The following CLK3 variants were observed in gnomAD, a reference collection of about 807,000 sequenced individuals.
CLK3 encodes CDC like kinase 3.
A neutral mutation model predicts 65.2 loss-of-function variants in CLK3; 24 were observed. That is an observed-to-expected ratio of 0.37 (90% CI 0.27 to 0.52). CLK3 has a LOEUF of 0.52. Among genes scored for constraint, CLK3 ranks in the 20% least tolerant of loss-of-function variants. The pLI is 0.92. For missense variants in CLK3, 506 were observed against 660.0 expected, an observed-to-expected ratio of 0.77 and a Z score of 2.56; for synonymous variants, 252 against 240.8, an observed-to-expected ratio of 1.05 and a Z score of -0.43.
At position 74,622,695 on chromosome 15, in the gene CLK3, G is replaced by C; in HGVS notation, c.533+135G>C. 1 of 601,192 alleles carries C rather than the reference G, an allele frequency of 1.7e-6. No homozygotes were observed. Among genetic ancestry groups the C allele is most frequent in the Non-Finnish European group, 2.8e-6 (1 of 355,492 alleles). The allele number at this position is 601,192 out of a possible 1,614,324, so 37.2% of individuals were successfully genotyped here. On this transcript the variant is annotated intron_variant, in intron 5 of 12. Transcript: ENST00000395066. The surrounding 1 kb of genome is among the most constrained non-coding windows in gnomAD (Gnocchi z 4.6). ...AAGGGTGGCATCAAAGTAGGGTTCCGACCTGTCCATGTTGGGGTTTTGCTG... is the reference window on the plus strand; with the variant it reads ...AAGGGTGGCATCAAAGTAGGGTTCCCACCTGTCCATGTTGGGGTTTTGCTG...
intron 1 of CLK3, among the ~76,000 whole-genome samples, chr15:74,617,876 A>G (rs989396140): frequency 6.6e-6 from 1 of 152,246 alleles, no homozygotes; most frequent in Non-Finnish European, 1.5e-5. Context: ...GCTGATTACC[A>G]AAACAACAAA....
chr15:74,622,881 T>G lies in CLK3; in HGVS notation c.533+321T>G, dbSNP rs2062114618. On this transcript the variant is annotated intron_variant, in intron 5 of 12. Coordinates refer to ENST00000395066, the MANE Select transcript of CLK3 (RefSeq NM_001130028.2). The surrounding 1 kb of genome is among the most constrained non-coding windows in gnomAD (Gnocchi z 4.6). The stretch of plus-strand genomic sequence containing the variant: ...GCCAAGGCCCCGGCTCCCCTGTGGC[T>G]TGGAGCTGCTTCCTGTGATAACTTT... Among the ~76,000 whole-genome samples the G allele has an allele frequency of 2.0e-5, 3 of 152,202 alleles. No homozygotes were observed. Among genetic ancestry groups the G allele is most frequent in the African/African-American group, 7.2e-5 (3 of 41,438 alleles).
In CLK3 at chr15:74,627,622, C is replaced by T. The variant is rs770827228; in HGVS notation, c.996C>T (p.Thr332=). Residue 332 remains threonine (T), a synonymous_variant, in exon 9 of 13, where the codon ACC becomes ACT. Coordinates refer to ENST00000395066, the MANE Select transcript of CLK3 (RefSeq NM_001130028.2). The surrounding 1 kb of genome is among the most constrained non-coding windows in gnomAD (Gnocchi z 4.3). ...CCACATTTGACCATGAGCACCACAC[C>T]ACCATTGTGGCCACCCGTCACTATC... is the stretch of plus-strand genomic sequence containing the variant. ...GSATFDHEHH[T]TIVATRHYRP... is the part of the protein sequence containing the mutation. The T allele has an allele frequency of 5.0e-6, 8 of 1,613,974 alleles. No individual in the cohort carries two copies. The highest frequency in any genetic ancestry group is 6.8e-6 in the Non-Finnish European group (8 of 1,180,034).
At chr15:74,618,041 C>T (rs185433111) in intron 1 of CLK3, among the ~76,000 whole-genome samples, 1 of 152,336 alleles carries the variant, frequency 6.6e-6, no homozygotes, top group Admixed American at 6.5e-5. Context: ...CTGTCCTGCT[C>T]AAGCATGGGG....
Position 74,622,028 on chromosome 15 carries a change from C to A in CLK3, c.370-92C>A. ...CAACCCACCGGCTCCTCACCGTCTC[C>A]ACCTCTGCCTTTGACTGACACCTCA... On this transcript the variant is annotated intron_variant, in intron 3 of 12. Transcript: ENST00000395066. The surrounding 1 kb of genome is among the most constrained non-coding windows in gnomAD (Gnocchi z 4.6). 8.3e-7 allele frequency: 1 copy of A among 1,208,850 alleles called. No individual in the cohort carries two copies. The highest frequency in any genetic ancestry group is 1.2e-6 in the Non-Finnish European group (1 of 818,502). 74.9% of individuals were successfully genotyped at this position (1,208,850 alleles called of 1,614,324 possible).
At chr15:74,628,150 G>C (rs1214215607) in intron 10 of CLK3, 98 bp downstream of exon 10, 4 of 800,442 alleles carry the variant, frequency 5.0e-6, no homozygotes, top group African/African-American at 1.7e-5. Flanking sequence ...GAGAAGACAG[G>C]TGTCTTCCTC....
At chr15:74,615,176 G>C (rs538022106), upstream of CLK3, 54 of 374,724 alleles carry the variant, frequency 1.4e-4, no homozygotes, top group Admixed American at 9.6e-4. Flanking sequence ...AGGCCACGCA[G>C]GCCGGCAGGA....
chr15:74,617,334 C>G (rs1265528690), intron 1 of CLK3, among the ~76,000 whole-genome samples: 1 of 152,230 alleles, frequency 6.6e-6, no homozygotes, highest in African/African-American at 2.4e-5. Flanking sequence ...GCATTTAACA[C>G]AGCCCTGAAG....
Position 74,619,370 on chromosome 15 carries a change from G to C in CLK3, c.152+22G>C, listed in dbSNP as rs200845851. ...GAAGGTGAGAGGGAACTAGATAGGA[G>C]GGAAAGACTCCTTCTGTCAGCTGGG... On this transcript the variant is annotated intron_variant, in intron 2 of 12. Coordinates refer to ENST00000395066, the MANE Select transcript of CLK3 (RefSeq NM_001130028.2). 4.3e-4 allele frequency: 691 copies of C among 1,612,994 alleles called. 3 individuals are homozygous for C. In the African/African-American group the frequency reaches 6.4e-3, roughly 15 times the overall value.
Position 74,621,701 on chromosome 15 carries a change from G to A in CLK3, c.370-419G>A, listed in dbSNP as rs1037223839. 3.0e-6 allele frequency: 1 copy of A among 338,484 alleles called. No individual in the cohort carries two copies. Among genetic ancestry groups the A allele is most frequent in the Non-Finnish European group, 5.9e-6 (1 of 170,656 alleles). The allele number at this position is 338,484 out of a possible 1,614,324, so 21.0% of individuals were successfully genotyped here. ...CGCCGCCGTTCTCACTGCATCTTCC[G>A]CTCTGGCCCAAAGCCACATGGGAGG... On this transcript the variant is annotated intron_variant, in intron 3 of 12. Transcript: ENST00000395066. The surrounding 1 kb of genome is among the most constrained non-coding windows in gnomAD (Gnocchi z 4.8).
chr15:74,620,385 G>T, intron 3 of CLK3, 160 bp downstream of exon 3: 1 of 995,120 alleles, frequency 1.0e-6, no homozygotes, highest in Non-Finnish European at 1.5e-6. Context: ...CAGGTGTAGG[G>T]CTGATCACAG....
chr15:74,616,192 C>T (rs1438961671), intron 1 of CLK3, among the ~76,000 whole-genome samples: 1 of 152,226 alleles, frequency 6.6e-6, no homozygotes, highest in East Asian at 1.9e-4. Flanking sequence ...GGGTCGGGGT[C>T]CGACGTAGAA....
At chr15:74,615,022 G>A (rs1389568885), upstream of CLK3, 2 of 176,210 alleles carry the variant, frequency 1.1e-5, no homozygotes, top group East Asian at 1.5e-4. Flanking sequence ...GTGGGGCCTC[G>A]TAATCCTGTC....
In CLK3 at chr15:74,626,426, A is replaced by G. The variant is rs184515666; in HGVS notation, c.817+458A>G. Reference sequence around the variant, plus strand: ...AGGGCTCAGCGCAGTAGGATTTGCAATGGTTGCAGCAGTACAGAAAGGCTC... The same window carrying G: ...AGGGCTCAGCGCAGTAGGATTTGCAGTGGTTGCAGCAGTACAGAAAGGCTC... On this transcript the variant is annotated intron_variant, in intron 7 of 12. Coordinates refer to ENST00000395066, the MANE Select transcript of CLK3 (RefSeq NM_001130028.2). Among the ~76,000 whole-genome samples the G allele has an allele frequency of 2.6e-5, 4 of 152,334 alleles. No individual in the cohort carries two copies. In the East Asian group the frequency reaches 7.7e-4, roughly 29 times the overall value.
chr15:74,618,338 G>A (rs1358900691), intron 1 of CLK3, among the ~76,000 whole-genome samples: 2 of 152,188 alleles, frequency 1.3e-5, no homozygotes, highest in African/African-American at 4.8e-5. Context: ...ACTGAACAGG[G>A]ATAGTGAGGT....
rs1247897317 is a variant in CLK3 at position 74,629,634 on chromosome 15, C to T, written c.1297-73C>T. Reference sequence around the variant, plus strand: ...CTCGATCCAGTCCAGCAAGGCGTCCCAGAGGCAAGGGGACCTGCTGTGGCT... The same window carrying T: ...CTCGATCCAGTCCAGCAAGGCGTCCTAGAGGCAAGGGGACCTGCTGTGGCT... On this transcript the variant is annotated intron_variant, in intron 12 of 12. Transcript: ENST00000395066. The T allele has an allele frequency of 5.9e-6, 8 of 1,364,894 alleles. No homozygotes were observed. The East Asian group carries it at 1.2e-4, about 20-fold the overall frequency. 84.5% of individuals were successfully genotyped at this position (1,364,894 alleles called of 1,614,324 possible).
At chr15:74,619,092 C>CAG (rs1220725049) in intron 1 of CLK3, 105 bp from the exon 2 acceptor site, 17 of 1,412,310 alleles carry the variant, frequency 1.2e-5, no homozygotes, top group Non-Finnish European at 1.6e-5. Context: ...CGCCTTCAAA[C>CAG]AGAACAATGG....
At position 74,622,153 on chromosome 15, in the gene CLK3, AGT is replaced by A; in HGVS notation, c.407_408del (p.Val136GlyfsTer3). 1 of 1,614,090 alleles carries A rather than the reference AGT, an allele frequency of 6.2e-7. No individual in the cohort carries two copies. Among genetic ancestry groups the A allele is most frequent in the Non-Finnish European group, 8.5e-7 (1 of 1,180,000 alleles). On this transcript the variant is annotated frameshift_variant, in exon 4 of 13. Transcript: ENST00000395066. LOFTEE classifies it high-confidence loss of function. This position sits in a 1 kb window ranked among gnomAD's most constrained non-coding sequence, Gnocchi z 4.6. ...ACAGAGCAGTAAGCGCAGCAGCCGG[AGT>A]GTGGAAGATGACAAGGAGGGTCACC... The part of the protein sequence containing the change: ...SQQSSKRSSR[S>X]VEDDKEGHLV...
chr15:74,616,126 C>G (rs2062057789), intron 1 of CLK3, among the ~76,000 whole-genome samples: 1 of 152,276 alleles, frequency 6.6e-6, no homozygotes, highest in Non-Finnish European at 1.5e-5. Context: ...GGAGCCTGAA[C>G]GGCCTCTGGG....
Sources: gnomAD v4.1 joint callset for allele counts (sites outside exome capture counted in the v4.1 genomes callset) on GRCh38, gnomAD v4.1.1 for gene constraint, Gnocchi (gnomAD v3.1) non-coding constraint, MANE v1.5 for transcripts, NCBI Gene and HGNC (gene_info 2026-07-23, HGNC 2026-07-21) for gene names.